The following C16orf87 variants were observed in gnomAD, a reference collection of about 807,000 sequenced individuals.
The protein encoded by C16orf87 is UPF0547 protein C16orf87.
In C16orf87, 13 loss-of-function variants were observed where a neutral mutation model predicts 21.0. That is an observed-to-expected ratio of 0.62 (90% confidence interval 0.40 to 0.98). The LOEUF (loss-of-function observed/expected upper bound fraction) is 0.98, where lower values mean the gene tolerates loss of function less well. Ranked by LOEUF, C16orf87 falls within the 50% of genes least tolerant of loss-of-function variation. The probability of loss-of-function intolerance (pLI) is 0.00; values close to 1 mark genes in which losing one functional copy is unlikely to be tolerated. For synonymous variants in C16orf87, 49 were observed against 60.2 expected, an observed-to-expected ratio of 0.81 and a Z score of 0.86; for missense variants, 113 against 180.4, an observed-to-expected ratio of 0.63 and a Z score of 2.14.
intron 2 of C16orf87, among the ~76,000 whole-genome samples, chr16:46,815,942 T>C (rs183819085): frequency 6.6e-6 from 1 of 152,332 alleles, no homozygotes; most frequent in Admixed American, 6.5e-5. Context: ...CAGATATTTG[T>C]ATACCATGCA....
At chr16:46,803,185 A>G (rs527605068) in intron 3 of C16orf87, 115 bp from the exon 4 acceptor site, 66 of 498,692 alleles carry the variant, frequency 1.3e-4, no homozygotes, top group East Asian at 1.1e-3. Context: ...ATACTACAAT[A>G]TACATTAAAT....
At chr16:46,811,502 C>CAA (rs59450750) in intron 2 of C16orf87, among the ~76,000 whole-genome samples, 1 of 134,910 alleles carries the variant, frequency 7.4e-6, no homozygotes, top group African/African-American at 2.8e-5. Context: ...AACTCCATCT[C>CAA]AAAAAAAAAA....
At chr16:46,824,067 AATT>A (rs1959522793) in intron 2 of C16orf87, among the ~76,000 whole-genome samples, 2 of 152,234 alleles carry the variant, frequency 1.3e-5, no homozygotes, top group South Asian at 4.1e-4. Flanking sequence ...ACTCAATGTC[AATT>A]ATTACTAAAG....
intron 2 of C16orf87, among the ~76,000 whole-genome samples, chr16:46,816,977 A>G (rs1040142591): frequency 6.6e-6 from 1 of 152,244 alleles, no homozygotes; most frequent in Non-Finnish European, 1.5e-5. Flanking sequence ...TGGAAGAAAG[A>G]GAAGAGACTA....
Position 46,826,828 on chromosome 16 carries a change from T to C in C16orf87, c.67-2346A>G, listed in dbSNP as rs2143172569. ...ATTATTAAGGGCATCCACAGTAATGTAAATTGTTTTAAATTAATGCTATCC... is the reference window on the plus strand; with the variant it reads ...ATTATTAAGGGCATCCACAGTAATGCAAATTGTTTTAAATTAATGCTATCC... On this transcript the variant is annotated intron_variant, in intron 1 of 3. Transcript: ENST00000285697. Among the ~76,000 whole-genome samples the C allele has an allele frequency of 2.6e-5, 4 of 152,340 alleles. No individual in the cohort carries two copies. The Middle Eastern group carries it at 0.01, about 389-fold the overall frequency.
At chr16:46,826,445 T>G (rs759764310) in intron 1 of C16orf87, among the ~76,000 whole-genome samples, 3 of 152,350 alleles carry the variant, frequency 2.0e-5, no homozygotes, top group Non-Finnish European at 4.4e-5. Context: ...TTTTTATCTA[T>G]GTATGTACAG....
chr16:46,828,543 G>A (rs996885283), intron 1 of C16orf87, among the ~76,000 whole-genome samples: 1 of 152,146 alleles, frequency 6.6e-6, no homozygotes, highest in Non-Finnish European at 1.5e-5. Context: ...AGATGTTTTA[G>A]AATGATATGT....
At chr16:46,814,406 T>C (rs949457911) in intron 2 of C16orf87, among the ~76,000 whole-genome samples, 3 of 152,126 alleles carry the variant, frequency 2.0e-5, no homozygotes. Flanking sequence ...AACAGAGCAA[T>C]GTGCAAGAGA....
intron 3 of C16orf87, among the ~76,000 whole-genome samples, chr16:46,803,818 T>C (rs1967845506): frequency 6.6e-6 from 1 of 152,172 alleles, no homozygotes; most frequent in Admixed American, 6.5e-5. Flanking sequence ...TTGTTCCTTT[T>C]TGCTTTTACA....
At chr16:46,806,425 T>C (rs77413526) in intron 3 of C16orf87, among the ~76,000 whole-genome samples, 1 of 151,658 alleles carries the variant, frequency 6.6e-6, no homozygotes, top group African/African-American at 2.4e-5. Context: ...GCCCGGCTAA[T>C]TTTTTTTGTA....
chr16:46,812,723 G>T (rs1968129818), intron 2 of C16orf87, among the ~76,000 whole-genome samples: 1 of 152,134 alleles, frequency 6.6e-6, no homozygotes, highest in African/African-American at 2.4e-5. Flanking sequence ...CTTCTCAAAA[G>T]AGGTACCTGT....
Position 46,831,166 on chromosome 16 carries a change from G to A in C16orf87, c.-17C>T, listed in dbSNP as rs1446715520. On this transcript the variant is annotated 5_prime_UTR_variant, in exon 1 of 4. Coordinates refer to ENST00000285697, the MANE Select transcript of C16orf87 (RefSeq NM_001001436.4). ...TGCAGACATGCTCCTCTCCCTTAGC[G>A]GCGGCAGCAGCGACGGCTCGGGCTC... The A allele has an allele frequency of 6.4e-7, 1 of 1,553,758 alleles. No homozygotes were observed. Among genetic ancestry groups the A allele is most frequent in the Non-Finnish European group, 8.7e-7 (1 of 1,145,662 alleles).
In C16orf87 at chr16:46,802,457, A is replaced by G. The variant is rs995879795; in HGVS notation, c.*495T>C. Reference sequence around the variant, plus strand: ...TATTCTTAATTCCCCATTCAATAAAATATCGATTGCCAATTTAATAAAAGT... The same window carrying G: ...TATTCTTAATTCCCCATTCAATAAAGTATCGATTGCCAATTTAATAAAAGT... On this transcript the variant is annotated 3_prime_UTR_variant, in exon 4 of 4. Transcript: ENST00000285697. 1 of 152,614 alleles carries G rather than the reference A, an allele frequency of 6.6e-6. No individual in the cohort carries two copies. Among genetic ancestry groups the G allele is most frequent in the African/African-American group, 2.4e-5 (1 of 41,458 alleles). 9.5% of individuals were successfully genotyped at this position (152,614 alleles called of 1,614,324 possible).
chr16:46,807,892 T>C, intron 3 of C16orf87: 1 of 368,244 alleles, frequency 2.7e-6, no homozygotes, highest in Non-Finnish European at 5.3e-6. Flanking sequence ...ATATATACAG[T>C]TCTACCACAA....
intron 1 of C16orf87, 124 bp from the exon 2 acceptor site, chr16:46,824,606 AC>A: frequency 2.1e-6 from 1 of 466,246 alleles, no homozygotes; most frequent in African/African-American, 2.1e-5. Context: ...ATTTATTTAA[AC>A]CTCAACTCCT....
intron 1 of C16orf87, among the ~76,000 whole-genome samples, chr16:46,825,233 A>C (rs1959568028): frequency 6.6e-6 from 1 of 152,212 alleles, no homozygotes; most frequent in African/African-American, 2.4e-5. Flanking sequence ...TGAAGGACCA[A>C]GTGGAATAGT....
At position 46,799,808 on chromosome 16, in the gene C16orf87, A is replaced by T. The variant is rs1967719441; in HGVS notation, c.*3144T>A. On this transcript the variant is annotated 3_prime_UTR_variant, in exon 4 of 4. Transcript: ENST00000285697. Reference sequence around the variant, plus strand: ...TAGCTGGAAGCACCACACCCAGCTAATTTTACTTTTTGTAGAGACGCGGTC... The same window carrying T: ...TAGCTGGAAGCACCACACCCAGCTATTTTTACTTTTTGTAGAGACGCGGTC... 1 of 152,160 alleles carries T rather than the reference A, an allele frequency of 6.6e-6. No homozygotes were observed. The highest frequency in any genetic ancestry group is 1.5e-5 in the Non-Finnish European group (1 of 68,032). The allele number at this position is 152,160 out of a possible 1,614,324, so 9.4% of individuals were successfully genotyped here. A position where few individuals can be genotyped will look rare whatever the true frequency, so the allele number is the denominator to read the frequency against.
chr16:46,805,795 T>G (rs1403552113), intron 3 of C16orf87, among the ~76,000 whole-genome samples: 1 of 152,234 alleles, frequency 6.6e-6, no homozygotes, highest in Non-Finnish European at 1.5e-5. Flanking sequence ...GTATCTTTAT[T>G]TGGGGCCTTT....
At position 46,797,915 on chromosome 16, in the gene C16orf87, A is replaced by T. The variant is rs531149497; in HGVS notation, c.*5037T>A. ...ATATTTGAAAATTATAGTAATACCA[A>T]GAAAAATCAGAATATTCTAAATTGA... On this transcript the variant is annotated 3_prime_UTR_variant, in exon 4 of 4. Transcript: ENST00000285697. The T allele has an allele frequency of 1.3e-5, 2 of 152,316 alleles. No homozygotes were observed. The highest frequency in any genetic ancestry group is 6.5e-5 in the Admixed American group (1 of 15,304). The allele number at this position is 152,316 out of a possible 1,614,324, so 9.4% of individuals were successfully genotyped here. A position where few individuals can be genotyped will look rare whatever the true frequency, so the allele number is the denominator to read the frequency against.
Sources: allele counts gnomAD v4.1 joint callset (sites outside exome capture counted in the v4.1 genomes callset), GRCh38; gene constraint gnomAD v4.1.1; transcripts MANE v1.5; gene names NCBI Gene and HGNC (gene_info 2026-07-23, HGNC 2026-07-21).